PLCB4: variants seen among roughly 807,000 people sequenced by gnomAD.
PLCB4 encodes phospholipase C beta 4.
A neutral mutation model predicts 178.8 loss-of-function variants in PLCB4; 77 were observed. That is an observed-to-expected ratio of 0.43 (90% CI 0.36 to 0.52). The LOEUF (loss-of-function observed/expected upper bound fraction) is 0.52, where lower values mean the gene tolerates loss of function less well. Ranked by LOEUF, PLCB4 falls within the 20% of genes least tolerant of loss-of-function variation. The probability of loss-of-function intolerance (pLI) is 0.00; values close to 1 mark genes in which losing one functional copy is unlikely to be tolerated. For missense variants in PLCB4, 1,024 were observed against 1,453.4 expected (o/e 0.70, Z 4.80); for synonymous variants, 496 against 490.8 (o/e 1.01, Z -0.14).
chr20:9,125,100 C>T (rs891788538), intron 2 of PLCB4, among the ~76,000 whole-genome samples: 4 of 152,112 alleles, frequency 2.6e-5, no homozygotes, highest in Non-Finnish European at 4.4e-5. Context: ...ATTCACCAGG[C>T]GTGTCTCTTG....
At chr20:9,470,963 G>A (rs2044152913) in intron 36 of PLCB4, among the ~76,000 whole-genome samples, 1 of 152,118 alleles carries the variant, frequency 6.6e-6, no homozygotes, top group Admixed American at 6.5e-5. Context: ...GTGTATGTTT[G>A]TATCCACTTT....
At chr20:9,302,096 T>C (rs762538347) in intron 3 of PLCB4, among the ~76,000 whole-genome samples, 2 of 152,038 alleles carry the variant, frequency 1.3e-5, no homozygotes, top group South Asian at 2.1e-4. Context: ...CCTTGAAATA[T>C]CTTGTAAGTG....
rs929866780 is a variant in PLCB4, at chr20:9,307,730, C to G, written c.-15-70C>G. On this transcript the variant is annotated intron_variant, in intron 3 of 39. Coordinates refer to ENST00000378473, the MANE Select transcript of PLCB4 (RefSeq NM_001377142.1). ...TAAATCTTCTGCAAACACAGAAATG[C>G]GAAGTGATTAACCATCCTCAATTGT... is the stretch of plus-strand genomic sequence containing the variant. 8.3e-5 allele frequency: 51 copies of G among 616,576 alleles called. No individual in the cohort carries two copies. In the African/African-American group the frequency reaches 9.7e-4, roughly 12 times the overall value. The allele number at this position is 616,576 out of a possible 1,614,324, so 38.2% of individuals were successfully genotyped here. A position where few individuals can be genotyped will look rare whatever the true frequency, so the allele number is the denominator to read the frequency against.
intron 35 of PLCB4, among the ~76,000 whole-genome samples, chr20:9,461,771 G>A (rs1312560240): frequency 1.3e-5 from 2 of 152,186 alleles, no homozygotes; most frequent in Non-Finnish European, 2.9e-5. Flanking sequence ...ATTGGGTGGA[G>A]CCCACTGCAG....
chr20:9,184,317 TA>T (rs1476033851), intron 2 of PLCB4, among the ~76,000 whole-genome samples: 2 of 152,206 alleles, frequency 1.3e-5, no homozygotes, highest in Admixed American at 6.5e-5. Flanking sequence ...CTTGAGTAGA[TA>T]GCTTTATTTG....
At chr20:9,350,252 T>A (rs1243000705) in intron 7 of PLCB4, among the ~76,000 whole-genome samples, 2 of 152,148 alleles carry the variant, frequency 1.3e-5, no homozygotes, top group African/African-American at 4.8e-5. Flanking sequence ...GATTTGCTGG[T>A]CTCTAATAAT....
At chr20:9,435,037 A>G (rs1792544082) in intron 28 of PLCB4, among the ~76,000 whole-genome samples, 1 of 152,218 alleles carries the variant, frequency 6.6e-6, no homozygotes, top group Non-Finnish European at 1.5e-5. Flanking sequence ...GAAAGATTTC[A>G]TTTTGTCTAC....
At chr20:9,396,476 G>GTGCTATTAC (rs1156593035) in intron 19 of PLCB4, among the ~76,000 whole-genome samples, 6 of 152,206 alleles carry the variant, frequency 3.9e-5, no homozygotes, top group Non-Finnish European at 8.8e-5. Flanking sequence ...ATTTGAGTAT[G>GTGCTATTAC]TGCTATTACC....
At chr20:9,139,712 A>AT (rs11482542) in intron 2 of PLCB4, among the ~76,000 whole-genome samples, 29,933 of 149,202 alleles carry the variant, frequency 0.2, 3,897 homozygotes, top group East Asian at 0.55. Flanking sequence ...TTAAAACCAC[A>AT]TTTTTTTTTT....
At position 9,237,854 on chromosome 20, in the gene PLCB4, T is replaced by C. The variant is rs372098337; in HGVS notation, c.-16+20402T>C. On this transcript the variant is annotated intron_variant, in intron 3 of 39. Transcript: ENST00000378473. ...AGTTATAGTGGAATCTTTTTTTTTC[T>C]TTCTTAGTATTTTTTATAAGAACCA... 5.6e-4 allele frequency among the ~76,000 whole-genome samples: 83 copies of C among 149,476 alleles called. No individual in the cohort carries two copies. The East Asian group carries it at 0.011, about 19-fold the overall frequency.
At chr20:9,182,754 C>T (rs903197719) in intron 2 of PLCB4, among the ~76,000 whole-genome samples, 8 of 152,132 alleles carry the variant, frequency 5.3e-5, no homozygotes, top group Admixed American at 4.6e-4. Flanking sequence ...GGCCCTCTGC[C>T]GACAGGCTAA....
intron 4 of PLCB4, among the ~76,000 whole-genome samples, chr20:9,325,218 A>G (rs191080280): frequency 1.3e-5 from 2 of 152,348 alleles, no homozygotes; most frequent in Admixed American, 1.3e-4. Context: ...ATAAGGGGAC[A>G]GCCACATAAT....
In PLCB4 at chr20:9,111,080, A is replaced by G. The variant is rs527516720; in HGVS notation, c.-79+14738A>G. 1.3e-4 allele frequency among the ~76,000 whole-genome samples: 20 copies of G among 152,266 alleles called. No individual in the cohort carries two copies. The East Asian group carries it at 3.9e-3, about 29-fold the overall frequency. ...GACATTGGGAAACTTTCCATGTCAT[A>G]TACGTTTGGGAAAATGCCAGATTGA... On this transcript the variant is annotated intron_variant, in intron 2 of 39. Transcript: ENST00000378473.
At chr20:9,424,801 C>T (rs897993756) in intron 28 of PLCB4, among the ~76,000 whole-genome samples, 6 of 152,054 alleles carry the variant, frequency 3.9e-5, no homozygotes, top group African/African-American at 1.4e-4. Flanking sequence ...TGGGGGTGGG[C>T]GGGGTGTCTG....
intron 3 of PLCB4, among the ~76,000 whole-genome samples, chr20:9,254,822 C>A (rs987356136): frequency 4.6e-5 from 7 of 152,118 alleles, no homozygotes; most frequent in African/African-American, 1.7e-4. Context: ...TGCAAATGGT[C>A]CAATGGCTTT....
chr20:9,288,632 G>C (rs1256689071), intron 3 of PLCB4, among the ~76,000 whole-genome samples: 1 of 151,836 alleles, frequency 6.6e-6, no homozygotes. Flanking sequence ...GATACCATAG[G>C]ATTGCCCTGG....
chr20:9,478,601 G>A (rs2044709837), intron 39 of PLCB4, among the ~76,000 whole-genome samples: 1 of 152,144 alleles, frequency 6.6e-6, no homozygotes, highest in East Asian at 1.9e-4. Flanking sequence ...TAAAGATAAA[G>A]CAAGTGGTCT....
intron 2 of PLCB4, among the ~76,000 whole-genome samples, chr20:9,102,689 C>T (rs2091203384): frequency 6.6e-6 from 1 of 152,066 alleles, no homozygotes; most frequent in Non-Finnish European, 1.5e-5. Flanking sequence ...CAGTTTATTT[C>T]TGTTGACTTA....
chr20:9,446,279 G>GCA (rs141619362), intron 32 of PLCB4, among the ~76,000 whole-genome samples: 15 of 152,310 alleles, frequency 9.8e-5, no homozygotes, highest in African/African-American at 3.1e-4. Context: ...CCATAGTCTT[G>GCA]CACCATACTC....
Sources: allele counts gnomAD v4.1 joint callset (sites outside exome capture counted in the v4.1 genomes callset), GRCh38; gene constraint gnomAD v4.1.1; transcripts MANE v1.5; gene names NCBI Gene and HGNC (gene_info 2026-07-23, HGNC 2026-07-21).